The following FXN variants were observed in gnomAD, a reference collection of about 807,000 sequenced individuals.
FXN encodes frataxin, mitochondrial.
A neutral mutation model predicts 22.4 loss-of-function variants in FXN; 14 were observed. The observed-to-expected ratio is 0.62, with a 90% CI of 0.41 to 0.98. The LOEUF (loss-of-function observed/expected upper bound fraction) is 0.98. Among genes scored for constraint, FXN ranks in the 50% least tolerant of loss-of-function variants. The pLI, the probability that FXN is intolerant of heterozygous loss-of-function variation, is 0.00. For synonymous variants in FXN, 120 were observed against 114.1 expected, an observed-to-expected ratio of 1.05 and a Z score of -0.33; for missense variants, 267 against 268.4, an observed-to-expected ratio of 0.99 and a Z score of 0.04.
chr9:69,061,949 A>G (rs1353463065), intron 3 of FXN, among the ~76,000 whole-genome samples: 3 of 152,012 alleles, frequency 2.0e-5, no homozygotes, highest in African/African-American at 7.3e-5. Context: ...TCTTTATCTC[A>G]TGGAAAAATA....
intron 4 of FXN, among the ~76,000 whole-genome samples, chr9:69,065,733 A>T (rs1832156396): frequency 6.6e-6 from 1 of 152,184 alleles, no homozygotes. Context: ...AACTTTTCCA[A>T]ATCCAGCCTA....
At chr9:69,070,428 T>C (rs1425118027) in intron 4 of FXN, among the ~76,000 whole-genome samples, 1 of 152,152 alleles carries the variant, frequency 6.6e-6, no homozygotes, top group Non-Finnish European at 1.5e-5. Flanking sequence ...TCAGAAGTGC[T>C]AGGGGGACCA....
intron 4 of FXN, among the ~76,000 whole-genome samples, chr9:69,068,582 T>C (rs556705379): frequency 6.6e-6 from 1 of 152,314 alleles, no homozygotes; most frequent in Non-Finnish European, 1.5e-5. Context: ...GCGGCAGTGC[T>C]AGTGATGTGC....
intron 1 of FXN, among the ~76,000 whole-genome samples, chr9:69,044,521 T>G (rs773334153): frequency 9.9e-5 from 15 of 152,126 alleles, no homozygotes; most frequent in Admixed American, 6.6e-4. Context: ...GAGCAGTAAC[T>G]AACAGTCTCT....
At position 69,077,304 on chromosome 9, in the gene FXN, T is replaced by TAA. The variant is rs1193986171; in HGVS notation, c.*4545_*4546dup. 6 of 985,298 alleles carry TAA rather than the reference T, an allele frequency of 6.1e-6. No individual in the cohort carries two copies. Among genetic ancestry groups the TAA allele is most frequent in the Non-Finnish European group, 7.2e-6 (6 of 829,922 alleles). 61.0% of individuals were successfully genotyped at this position (985,298 alleles called of 1,614,324 possible). On this transcript the variant is annotated 3_prime_UTR_variant, in exon 5 of 5. Coordinates refer to ENST00000484259, the MANE Select transcript of FXN (RefSeq NM_000144.5). ...TGATCAGTGGCCCCTTTGGAATGTG[T>TAA]AAAACTCAGCTCACTTATATCCCTG...
chr9:69,056,868 G>A (rs976633323), intron 3 of FXN, among the ~76,000 whole-genome samples: 3 of 143,798 alleles, frequency 2.1e-5, no homozygotes, highest in African/African-American at 7.3e-5. Context: ...TCAGCCTCCC[G>A]AGTAGCTGGG....
Position 69,074,735 on chromosome 9 carries a change from T to G in FXN, c.*1973T>G. The G allele has an allele frequency of 1.1e-6, 1 of 877,988 alleles. No homozygotes were observed. 54.4% of individuals were successfully genotyped at this position (877,988 alleles called of 1,614,324 possible). ...GGCAACACAGCAAGATCCTATCTCTTAAAAAAAGAAAAAAAAACCTATTAA... is the reference window on the plus strand; with the variant it reads ...GGCAACACAGCAAGATCCTATCTCTGAAAAAAAGAAAAAAAAACCTATTAA... On this transcript the variant is annotated 3_prime_UTR_variant, in exon 5 of 5. Transcript: ENST00000484259.
At chr9:69,045,985 A>T (rs1196584920) in intron 1 of FXN, among the ~76,000 whole-genome samples, 2 of 152,070 alleles carry the variant, frequency 1.3e-5, no homozygotes, top group Non-Finnish European at 2.9e-5. Flanking sequence ...TCCTGAGGCA[A>T]CCCCCAAGGG....
intron 3 of FXN, among the ~76,000 whole-genome samples, chr9:69,056,740 C>CTT (rs796950003): frequency 2.8e-5 from 4 of 142,846 alleles, no homozygotes; most frequent in Admixed American, 1.4e-4. Flanking sequence ...TGAAGTGAGT[C>CTT]TTTTTTTTTT....
At chr9:69,046,508 T>C (rs1831757765) in intron 2 of FXN, 26 bp downstream of exon 2, 6 of 1,507,268 alleles carry the variant, frequency 4.0e-6, no homozygotes, top group Non-Finnish European at 5.5e-6. Context: ...TTCCACGTCA[T>C]AGGTATCTTC....
rs1832354391 is a variant in FXN at position 69,075,747 on chromosome 9, T to A, written c.*2985T>A. ...AACTTTTTTTTCCCCTTTCTATTTT[T>A]TGAGACAGGATCTCACTTTGGCACT... is the stretch of plus-strand genomic sequence containing the variant. On this transcript the variant is annotated 3_prime_UTR_variant, in exon 5 of 5. Coordinates refer to ENST00000484259, the MANE Select transcript of FXN (RefSeq NM_000144.5). 2.1e-6 allele frequency: 2 copies of A among 970,942 alleles called. No individual in the cohort carries two copies. Among genetic ancestry groups the A allele is most frequent in the Admixed American group, 1.2e-4 (2 of 16,244 alleles). 60.1% of individuals were successfully genotyped at this position (970,942 alleles called of 1,614,324 possible). A position where few individuals can be genotyped will look rare whatever the true frequency, so the allele number is the denominator to read the frequency against.
chr9:69,067,047 G>A (rs2133129870), intron 4 of FXN, among the ~76,000 whole-genome samples: 2 of 152,350 alleles, frequency 1.3e-5, no homozygotes, highest in Middle Eastern at 3.4e-3. Context: ...GGAGTCGGGG[G>A]AAGGGAGGCA....
chr9:69,053,495 GGATGGATGGATGGATAGATA>G (rs1340287649), intron 3 of FXN, among the ~76,000 whole-genome samples: 1 of 150,680 alleles, frequency 6.6e-6, no homozygotes, highest in Non-Finnish European at 1.5e-5. Context: ...ATGGATGGAT[GGATGGATGGATGGATAGATA>G]GATAGATAGA....
At chr9:69,042,132 G>A (rs1406311765) in intron 1 of FXN, among the ~76,000 whole-genome samples, 2 of 152,022 alleles carry the variant, frequency 1.3e-5, no homozygotes, top group Non-Finnish European at 2.9e-5. Flanking sequence ...CAGCTACTCA[G>A]GAGGCTGAGG....
Position 69,078,078 on chromosome 9 carries a change from A to G in FXN, c.*5316A>G. The G allele has an allele frequency of 1.0e-6, 1 of 985,478 alleles. No homozygotes were observed. The highest frequency in any genetic ancestry group is 1.2e-6 in the Non-Finnish European group (1 of 829,942). The allele number at this position is 985,478 out of a possible 1,614,324, so 61.0% of individuals were successfully genotyped here. A position where few individuals can be genotyped will look rare whatever the true frequency, so the allele number is the denominator to read the frequency against. On this transcript the variant is annotated 3_prime_UTR_variant, in exon 5 of 5. Coordinates refer to ENST00000484259, the MANE Select transcript of FXN (RefSeq NM_000144.5). ...ATTTTTCCAAAAGAAAATGGCTTAAATAAAACCCTAAGAGAAAGAAAAACT... is the reference window on the plus strand; with the variant it reads ...ATTTTTCCAAAAGAAAATGGCTTAAGTAAAACCCTAAGAGAAAGAAAAACT...
chr9:69,042,568 A>G lies in FXN; in HGVS notation c.166-3817A>G, dbSNP rs180842670. The stretch of plus-strand genomic sequence containing the variant: ...GCAGGTAGAATATAAAGCAAGGAGT[A>G]TTTGGCAACGGTTCTTTTTTATGAT... On this transcript the variant is annotated intron_variant, in intron 1 of 4. Transcript: ENST00000484259. Among the ~76,000 whole-genome samples, 13 of 152,340 alleles carry G rather than the reference A, an allele frequency of 8.5e-5. No individual in the cohort carries two copies. The East Asian group carries it at 2.5e-3, about 29-fold the overall frequency.
intron 4 of FXN, among the ~76,000 whole-genome samples, chr9:69,067,366 G>T (rs11789036): frequency 6.6e-6 from 1 of 152,236 alleles, no homozygotes; most frequent in African/African-American, 2.4e-5. Flanking sequence ...ACAGGATTCC[G>T]CGGGAAGATC....
rs1185150934 is a variant in FXN, at chr9:69,079,067, A to G, written c.*6305A>G. On this transcript the variant is annotated 3_prime_UTR_variant, in exon 5 of 5. Coordinates refer to ENST00000484259, the MANE Select transcript of FXN (RefSeq NM_000144.5). The stretch of plus-strand genomic sequence containing the variant: ...AGATAGTTGTTCAAATAAACTCTAA[A>G]TAACCCCAACTCCAAGAGTGTTAGC... The G allele has an allele frequency of 3.4e-6, 3 of 885,106 alleles. No individual in the cohort carries two copies. Among genetic ancestry groups the G allele is most frequent in the Non-Finnish European group, 4.1e-6 (3 of 738,976 alleles). The allele number at this position is 885,106 out of a possible 1,614,324, so 54.8% of individuals were successfully genotyped here. A position where few individuals can be genotyped will look rare whatever the true frequency, so the allele number is the denominator to read the frequency against.
intron 2 of FXN, among the ~76,000 whole-genome samples, chr9:69,050,867 G>T (rs1412594769): frequency 6.7e-6 from 1 of 150,312 alleles, no homozygotes; most frequent in African/African-American, 2.5e-5. Flanking sequence ...TGCAACCTCC[G>T]CCTCCTGGGT....
Sources: gnomAD v4.1 joint callset for allele counts (sites outside exome capture counted in the v4.1 genomes callset) on GRCh38, gnomAD v4.1.1 for gene constraint, MANE v1.5 for transcripts, NCBI Gene and HGNC (gene_info 2026-07-23, HGNC 2026-07-21) for gene names.